TMEM117: variants seen among roughly 807,000 people sequenced by gnomAD.
TMEM117 encodes transmembrane protein 117.
In TMEM117, 27 loss-of-function variants were observed where a neutral mutation model predicts 52.4. The ratio of observed to expected loss-of-function variants is 0.51; its 90% CI spans 0.38 to 0.71. The LOEUF is 0.71. TMEM117 is among the 30% of genes least tolerant of loss of function. TMEM117 has a pLI of 0.00. For synonymous variants in TMEM117, 215 were observed against 206.3 expected (o/e 1.04, Z -0.36); for missense variants, 556 against 630.5 (o/e 0.88, Z 1.26).
intron 3 of TMEM117, among the ~76,000 whole-genome samples, chr12:43,977,381 G>T (rs1945689080): frequency 6.6e-6 from 1 of 152,078 alleles, no homozygotes; most frequent in Non-Finnish European, 1.5e-5. Context: ...CCATGGTATG[G>T]GTTTGATGTG....
chr12:44,052,276 T>C (rs1488722141), intron 3 of TMEM117, among the ~76,000 whole-genome samples: 1 of 152,166 alleles, frequency 6.6e-6, no homozygotes, highest in Non-Finnish European at 1.5e-5. Context: ...TCTCATGACT[T>C]TTCTGGCATC....
intron 5 of TMEM117, among the ~76,000 whole-genome samples, chr12:44,216,889 CT>C (rs959903488): frequency 2.0e-5 from 3 of 152,058 alleles, no homozygotes; most frequent in African/African-American, 7.2e-5. Context: ...TTTTAAAGTA[CT>C]TTCTCTACCA....
intron 2 of TMEM117, among the ~76,000 whole-genome samples, chr12:43,845,868 G>A (rs779667298): frequency 1.1e-4 from 17 of 152,138 alleles, no homozygotes; most frequent in Non-Finnish European, 2.1e-4. Flanking sequence ...CAAAGGACAT[G>A]AACTCATCTT....
intron 3 of TMEM117, among the ~76,000 whole-genome samples, chr12:44,123,214 G>A (rs1948266357): frequency 6.6e-6 from 1 of 150,700 alleles, no homozygotes; most frequent in Non-Finnish European, 1.5e-5. Context: ...CTTTTGAGAA[G>A]TGTCTGTCCT....
At chr12:44,100,707 T>C (rs1274341546) in intron 3 of TMEM117, among the ~76,000 whole-genome samples, 1 of 152,026 alleles carries the variant, frequency 6.6e-6, no homozygotes, top group African/African-American at 2.4e-5. Flanking sequence ...CTAGAAATAA[T>C]AGTTTCTATC....
chr12:44,008,643 C>G (rs1371955798), intron 3 of TMEM117: 2 of 239,102 alleles, frequency 8.4e-6, no homozygotes, highest in Non-Finnish European at 1.7e-5. Flanking sequence ...ATTAAACATG[C>G]CTTCCTTCTT....
intron 3 of TMEM117, among the ~76,000 whole-genome samples, chr12:44,110,386 A>G (rs1179000506): frequency 2.8e-5 from 1 of 35,398 alleles, no homozygotes; most frequent in African/African-American, 1.2e-4. Context: ...TCCCATCAAT[A>G]CCTAATTTAT....
chr12:43,881,178 A>G (rs1401601283), intron 2 of TMEM117, among the ~76,000 whole-genome samples: 1 of 152,200 alleles, frequency 6.6e-6, no homozygotes, highest in African/African-American at 2.4e-5. Context: ...TGCTATCAGG[A>G]ACATAGATAT....
intron 4 of TMEM117, among the ~76,000 whole-genome samples, chr12:44,175,988 T>C (rs1263311745): frequency 6.6e-6 from 1 of 152,156 alleles, no homozygotes; most frequent in East Asian, 1.9e-4. Context: ...ACAGCAAGTA[T>C]AGATGATTTA....
chr12:43,859,329 T>C (rs1324882993), intron 2 of TMEM117, among the ~76,000 whole-genome samples: 2 of 152,164 alleles, frequency 1.3e-5, no homozygotes, highest in Admixed American at 1.3e-4. Context: ...CCAGTGTTTC[T>C]GGATCAGTAG....
chr12:44,396,387 A>G, the TMEM117 span, among the ~76,000 whole-genome samples: 11 of 151,842 alleles, frequency 7.2e-5, no homozygotes, highest in African/African-American at 2.2e-4. Flanking sequence ...TATCTTTAGC[A>G]TTTCTTCCAC....
chr12:44,248,031 C>A (rs1950151842), intron 5 of TMEM117, among the ~76,000 whole-genome samples: 1 of 152,132 alleles, frequency 6.6e-6, no homozygotes, highest in African/African-American at 2.4e-5. Context: ...TAACAGCTTC[C>A]AGTTTGGGTC....
At chr12:44,065,816 G>A (rs1015559821) in intron 3 of TMEM117, among the ~76,000 whole-genome samples, 2 of 152,168 alleles carry the variant, frequency 1.3e-5, no homozygotes, top group African/African-American at 4.8e-5. Flanking sequence ...GGGGTAGAGG[G>A]CTACATTAAA....
At chr12:44,250,170 T>A (rs1475643520) in intron 5 of TMEM117, among the ~76,000 whole-genome samples, 3 of 151,932 alleles carry the variant, frequency 2.0e-5, no homozygotes, top group African/African-American at 7.3e-5. Context: ...CATCAAAAAG[T>A]GGGCAAAGGA....
At chr12:44,199,497 A>G (rs578127636) in intron 4 of TMEM117, among the ~76,000 whole-genome samples, 20 of 152,308 alleles carry the variant, frequency 1.3e-4, no homozygotes, top group African/African-American at 4.8e-4. Flanking sequence ...CCAATATATG[A>G]CCACATTTTC....
intron 2 of TMEM117, among the ~76,000 whole-genome samples, chr12:43,918,656 G>T (rs142956188): frequency 6.6e-6 from 1 of 152,042 alleles, no homozygotes; most frequent in East Asian, 1.9e-4. Context: ...TGCTTCCTTC[G>T]TACAGACGCT....
At chr12:44,150,875 G>T (rs377075702) in intron 4 of TMEM117, among the ~76,000 whole-genome samples, 1 of 152,008 alleles carries the variant, frequency 6.6e-6, no homozygotes, top group African/African-American at 2.4e-5. Flanking sequence ...GGGTAAAAAA[G>T]GTTGTACTAT....
intron 3 of TMEM117, among the ~76,000 whole-genome samples, chr12:44,137,334 A>G (rs965619496): frequency 1.3e-5 from 2 of 152,098 alleles, no homozygotes; most frequent in African/African-American, 4.8e-5. Context: ...TTGGCATGGG[A>G]CAATAAAGAG....
the TMEM117 span, among the ~76,000 whole-genome samples, chr12:43,813,231 G>GTTGTTTTTTTTTTTTTTTTTTTTTTT: frequency 4.8e-5 from 3 of 62,666 alleles, no homozygotes; most frequent in African/African-American, 1.8e-4. Flanking sequence ...GTTTTCTCTT[G>GTTGTTTTTTTTTTTTTTTTTTTTTTT]TTTTTTTTTT....
Sources: gnomAD v4.1 joint callset for allele counts (sites outside exome capture counted in the v4.1 genomes callset) on GRCh38, gnomAD v4.1.1 for gene constraint, MANE v1.5 for transcripts, NCBI Gene and HGNC (gene_info 2026-07-23, HGNC 2026-07-21) for gene names.